The following FAM217A variants were observed in gnomAD, a reference collection of about 807,000 sequenced individuals.
FAM217A encodes protein FAM217A.
A neutral mutation model predicts 18.5 loss-of-function variants in FAM217A; 13 were observed. The observed-to-expected ratio is 0.70, with a 90% CI of 0.46 to 1.12. The LOEUF (loss-of-function observed/expected upper bound fraction) is 1.12, where lower values mean the gene tolerates loss of function less well. Among genes scored for constraint, FAM217A ranks in the 50% most tolerant of loss-of-function variants. The probability of loss-of-function intolerance (pLI) is 0.00; values close to 1 mark genes in which losing one functional copy is unlikely to be tolerated. For missense variants in FAM217A, 560 were observed against 575.4 expected (o/e 0.97, Z 0.27); for synonymous variants, 161 against 202.8 (o/e 0.79, Z 1.75).
intron 6 of FAM217A, among the ~76,000 whole-genome samples, chr6:4,070,698 G>A (rs1769341790): frequency 6.6e-6 from 1 of 151,922 alleles, no homozygotes; most frequent in East Asian, 1.9e-4. Flanking sequence ...AAGTAATCTG[G>A]AAAAGTTTTG....
chr6:4,068,940 A>G lies in FAM217A; in HGVS notation c.1283T>C (p.Val428Ala), dbSNP rs1561918102. 1.9e-6 allele frequency: 3 copies of G among 1,614,058 alleles called. No individual in the cohort carries two copies. The highest frequency in any genetic ancestry group is 3.3e-5 in the Admixed American group (2 of 59,990). Residue 428 changes from valine (V) to alanine (A), a missense_variant, in exon 7 of 7, where the codon GTT becomes GCT. Val to Ala is a moderately conservative substitution (Grantham distance 64). Coordinates refer to ENST00000274673, the MANE Select transcript of FAM217A (RefSeq NM_173563.3). ...CAGACATCTTGTGGAGACCATTTTA[A>G]CCATTGATTGATTTGTATGGCCAAT... ...PTIGHTNQSM[V>A]KMVSTRCLPW...
chr6:4,074,623 A>C lies in FAM217A; in HGVS notation c.99T>G (p.Val33=). 1 of 1,613,748 alleles carries C rather than the reference A, an allele frequency of 6.2e-7. No homozygotes were observed. Among genetic ancestry groups the C allele is most frequent in the South Asian group, 1.1e-5 (1 of 91,066 alleles). The part of the protein sequence containing the change: ...SHWNLDSEVP[V]SENKNLPAGR... ...CAGCTGGGAGGTTTTTATTTTCAGA[A>C]ACAGGTACTTCTGAATCCAAATTCC... Residue 33 remains valine (V), a synonymous_variant, in exon 3 of 7, where the codon GTT becomes GTG. Coordinates refer to ENST00000274673, the MANE Select transcript of FAM217A (RefSeq NM_173563.3).
chr6:4,077,671 A>T (rs774602053), intron 1 of FAM217A, among the ~76,000 whole-genome samples: 1 of 91,622 alleles, frequency 1.1e-5, no homozygotes, highest in Non-Finnish European at 2.1e-5. Context: ...GGCAGATCTC[A>T]GAACAGAAGA....
upstream of FAM217A, chr6:4,079,539 G>T: frequency 8.8e-7 from 1 of 1,139,036 alleles, no homozygotes; most frequent in Non-Finnish European, 1.2e-6. Flanking sequence ...CCTTCCCCGA[G>T]GCCTCCAGGC....
At chr6:4,076,801 G>A (rs1298487391) in intron 2 of FAM217A, among the ~76,000 whole-genome samples, 1 of 152,206 alleles carries the variant, frequency 6.6e-6, no homozygotes, top group Non-Finnish European at 1.5e-5. Context: ...CCGGGAGGTG[G>A]GGGTTATAGT....
chr6:4,083,528 C>A (rs536499388), upstream of FAM217A, among the ~76,000 whole-genome samples: 20 of 151,116 alleles, frequency 1.3e-4, no homozygotes, highest in Admixed American at 3.3e-4. Context: ...ACAGCAGAAT[C>A]TTTTTGTTTC....
At chr6:4,075,252 TG>T (rs1769703353) in intron 2 of FAM217A, among the ~76,000 whole-genome samples, 1 of 152,180 alleles carries the variant, frequency 6.6e-6, no homozygotes, top group African/African-American at 2.4e-5. Context: ...GAGAATCGCT[TG>T]AACCCAGGAG....
upstream of FAM217A, chr6:4,087,194 C>T (rs556885292): frequency 8.0e-5 from 49 of 608,900 alleles, no homozygotes; most frequent in Middle Eastern, 4.9e-4. Context: ...TGGATACGCG[C>T]GCCCCCGCTT....
chr6:4,075,028 T>C (rs956455674), intron 2 of FAM217A, among the ~76,000 whole-genome samples: 3 of 152,206 alleles, frequency 2.0e-5, no homozygotes, highest in Non-Finnish European at 4.4e-5. Context: ...TATCTGAGTA[T>C]CAGATCTAAA....
rs746984498 is a variant in FAM217A at position 4,069,871 on chromosome 6, G to A, written c.352C>T (p.Pro118Ser). The change falls in exon 7 of 7, where the codon CCT becomes TCT. Residue 118 changes from proline (P) to serine (S), a missense_variant. Pro to Ser is a moderately conservative substitution (Grantham distance 74, BLOSUM62 -1). Coordinates refer to ENST00000274673, the MANE Select transcript of FAM217A (RefSeq NM_173563.3). Reference sequence around the variant, plus strand: ...TGGTTCAGAGTGAAGACCCTTATAGGATGATTGATTACATTAAAGCCAGTT... The same window carrying A: ...TGGTTCAGAGTGAAGACCCTTATAGAATGATTGATTACATTAAAGCCAGTT... The part of the protein sequence containing the change: ...VETGFNVINH[P>S]IRVFTLNHPL... 1 of 1,604,668 alleles carries A rather than the reference G, an allele frequency of 6.2e-7. No individual in the cohort carries two copies. The highest frequency in any genetic ancestry group is 8.5e-7 in the Non-Finnish European group (1 of 1,176,608).
chr6:4,070,743 A>G (rs1210696143), intron 6 of FAM217A, among the ~76,000 whole-genome samples: 1 of 152,222 alleles, frequency 6.6e-6, no homozygotes, highest in African/African-American at 2.4e-5. Flanking sequence ...AGTGGCTCAC[A>G]CCTGTAATCC....
In FAM217A at chr6:4,069,195, A is replaced by G; in HGVS notation, c.1028T>C (p.Ile343Thr). The change falls in exon 7 of 7, where the codon ATA becomes ACA. Residue 343 changes from isoleucine (I) to threonine (T), a missense_variant. By Grantham distance (89) the Ile-to-Thr change is moderately conservative. Coordinates refer to ENST00000274673, the MANE Select transcript of FAM217A (RefSeq NM_173563.3). ...PKLCDSLSLQ[I>T]PCVDKSQEKS... ...TTCTTGACTTTTATCTACACAAGGTATCTGAAGACTCAAAGAGTCGCAAAG... is the reference window on the plus strand; with the variant it reads ...TTCTTGACTTTTATCTACACAAGGTGTCTGAAGACTCAAAGAGTCGCAAAG... 1.9e-6 allele frequency: 3 copies of G among 1,614,142 alleles called. No individual in the cohort carries two copies. Among genetic ancestry groups the G allele is most frequent in the South Asian group, 2.2e-5 (2 of 91,070 alleles).
chr6:4,083,323 C>G (rs1261552753), upstream of FAM217A, among the ~76,000 whole-genome samples: 2 of 152,166 alleles, frequency 1.3e-5, no homozygotes, highest in Non-Finnish European at 2.9e-5. Flanking sequence ...AGATAACATT[C>G]CTTTTCATTG....
upstream of FAM217A, among the ~76,000 whole-genome samples, chr6:4,080,924 A>G (rs1770252982): frequency 6.7e-6 from 1 of 149,538 alleles, no homozygotes; most frequent in Admixed American, 6.7e-5. Context: ...AAAAAAAAAA[A>G]GGAGAGAAAA....
chr6:4,080,009 C>T (rs1770173659), upstream of FAM217A, among the ~76,000 whole-genome samples: 1 of 152,100 alleles, frequency 6.6e-6, no homozygotes, highest in Non-Finnish European at 1.5e-5. Flanking sequence ...TAGCTATCAT[C>T]ACCCCCACCT....
rs1769276249 is a variant in FAM217A at position 4,069,695 on chromosome 6, ATTG to A, written c.525_527del (p.Asn176del). 1 of 1,614,004 alleles carries A rather than the reference ATTG, an allele frequency of 6.2e-7. No individual in the cohort carries two copies. Among genetic ancestry groups the A allele is most frequent in the East Asian group, 2.2e-5 (1 of 44,888 alleles). On this transcript the variant is annotated inframe_deletion, in exon 7 of 7. Coordinates refer to ENST00000274673, the MANE Select transcript of FAM217A (RefSeq NM_173563.3). Reference sequence around the variant, plus strand: ...TTGGAGCAGGTAATGTTTCACCATCATTGTTTTCTATAGTTGAACATGAACTAA... The same window carrying A: ...TTGGAGCAGGTAATGTTTCACCATCATTTTCTATAGTTGAACATGAACTAA...
In FAM217A at chr6:4,068,863, T is replaced by C; in HGVS notation, c.1360A>G (p.Asn454Asp). 1 of 1,614,168 alleles carries C rather than the reference T, an allele frequency of 6.2e-7. No homozygotes were observed. Among genetic ancestry groups the C allele is most frequent in the Non-Finnish European group, 8.5e-7 (1 of 1,180,016 alleles). ...GGTGCCTTAATTTCTTCCTTCTGAT[T>C]TTCGGGAAAAGTCAGAGGTATAGGT... Reference protein sequence around the residue: ...VSPIPLTFPENQKEEIKAPKR... With the variant: ...VSPIPLTFPEDQKEEIKAPKR... The change falls in exon 7 of 7, where the codon AAT becomes GAT. Residue 454 changes from asparagine (N) to aspartate (D), a missense_variant. Asn to Asp is a conservative substitution (Grantham distance 23, BLOSUM62 1). Coordinates refer to ENST00000274673, the MANE Select transcript of FAM217A (RefSeq NM_173563.3).
chr6:4,079,374 C>T, upstream of FAM217A: 1 of 282,184 alleles, frequency 3.5e-6, no homozygotes, highest in Non-Finnish European at 7.0e-6. Flanking sequence ...CTGCGCAGCC[C>T]ACTCGGCCAT....
upstream of FAM217A, among the ~76,000 whole-genome samples, chr6:4,080,226 C>A (rs1285586062): frequency 6.6e-6 from 1 of 152,176 alleles, no homozygotes; most frequent in African/African-American, 2.4e-5. Context: ...CTCTGCATTT[C>A]CATTTTCTCC....
Sources: gnomAD v4.1 joint callset for allele counts (sites outside exome capture counted in the v4.1 genomes callset) on GRCh38, gnomAD v4.1.1 for gene constraint, MANE v1.5 for transcripts, NCBI Gene and HGNC (gene_info 2026-07-23, HGNC 2026-07-21) for gene names.